Variants in MYO1E observed in about 807,000 individuals in gnomAD.
MYO1E encodes the protein myosin IE, also known as unconventional myosin-Ie.
In MYO1E, 68 loss-of-function variants were observed where a neutral mutation model predicts 151.1. That is an observed-to-expected ratio of 0.45 (90% CI 0.37 to 0.55). MYO1E has a LOEUF of 0.55. MYO1E is among the 20% of genes least tolerant of loss of function. The pLI, the probability that MYO1E is intolerant of heterozygous loss-of-function variation, is 0.00. For missense variants in MYO1E, 1,363 were observed against 1,389.3 expected, an observed-to-expected ratio of 0.98 and a Z score of 0.30; for synonymous variants, 601 against 501.7, an observed-to-expected ratio of 1.20 and a Z score of -2.64.
chr15:59,161,311 CT>C (rs1197633697), intron 23 of MYO1E, 81 bp from the exon 24 acceptor site: 2 of 1,484,848 alleles, frequency 1.3e-6, no homozygotes, highest in Admixed American at 3.8e-5. Context: ...CGGAGTTCTG[CT>C]GCTGGAAAAG....
chr15:59,148,725 C>T (rs1344854571), intron 26 of MYO1E, among the ~76,000 whole-genome samples: 1 of 152,186 alleles, frequency 6.6e-6, no homozygotes, highest in Non-Finnish European at 1.5e-5. Context: ...AAGAGACACA[C>T]AGGCAGCATT....
At chr15:59,198,034 GA>G (rs1194332592) in intron 16 of MYO1E, among the ~76,000 whole-genome samples, 1 of 151,552 alleles carries the variant, frequency 6.6e-6, no homozygotes, top group Non-Finnish European at 1.5e-5. Context: ...GCTAATTTTT[GA>G]AAAAAAATTT....
chr15:59,201,094 A>C (rs2079798642), intron 16 of MYO1E, among the ~76,000 whole-genome samples: 1 of 150,300 alleles, frequency 6.7e-6, no homozygotes, highest in Admixed American at 6.8e-5. Context: ...TGTGTGTGAC[A>C]CAATGACAAA....
chr15:59,179,388 T>C (rs1296844705), intron 18 of MYO1E, among the ~76,000 whole-genome samples: 1 of 152,226 alleles, frequency 6.6e-6, no homozygotes, highest in Non-Finnish European at 1.5e-5. Flanking sequence ...CAGATGAAGG[T>C]GAGAGCTCCA....
chr15:59,361,051 C>G (rs534492272), intron 1 of MYO1E, among the ~76,000 whole-genome samples: 1 of 152,282 alleles, frequency 6.6e-6, no homozygotes, highest in East Asian at 1.9e-4. Context: ...CTTGGGAACC[C>G]TGTGGTGTGA....
intron 1 of MYO1E, among the ~76,000 whole-genome samples, chr15:59,316,743 T>C (rs566150829): frequency 5.9e-5 from 9 of 152,358 alleles, no homozygotes; most frequent in African/African-American, 2.2e-4. Context: ...AGAGGATTTA[T>C]GTGAGGTCTA....
chr15:59,323,605 G>C (rs957831460), intron 1 of MYO1E, among the ~76,000 whole-genome samples: 1 of 151,702 alleles, frequency 6.6e-6, no homozygotes, highest in Non-Finnish European at 1.5e-5. Flanking sequence ...ACAAGAAGCC[G>C]AGATCGCACC....
At chr15:59,151,837 G>A (rs1455607399) in intron 26 of MYO1E, among the ~76,000 whole-genome samples, 4 of 151,882 alleles carry the variant, frequency 2.6e-5, no homozygotes, top group Admixed American at 6.6e-5. Context: ...CACGAGGTCA[G>A]GAGATCAAGA....
intron 14 of MYO1E, chr15:59,206,959 G>A: frequency 2.5e-6 from 4 of 1,613,774 alleles, no homozygotes; most frequent in Non-Finnish European, 3.4e-6. Context: ...GACTGTGCCT[G>A]TTGTGCGGGC....
chr15:59,316,721 A>G (rs2080591429), intron 1 of MYO1E, among the ~76,000 whole-genome samples: 2 of 152,186 alleles, frequency 1.3e-5, no homozygotes, highest in Non-Finnish European at 2.9e-5. Flanking sequence ...TGCTTTCCAT[A>G]GCGAACTTCA....
chr15:59,216,666 G>GTGTATGTGTA (rs777094542), intron 10 of MYO1E, among the ~76,000 whole-genome samples: 1 of 30,884 alleles, frequency 3.2e-5, no homozygotes, highest in Non-Finnish European at 7.0e-5. Flanking sequence ...GTGTGTATGT[G>GTGTATGTGTA]TATATATATA....
chr15:59,289,660 G>A (rs571961812), intron 1 of MYO1E, among the ~76,000 whole-genome samples: 100 of 152,332 alleles, frequency 6.6e-4, no homozygotes, highest in Middle Eastern at 3.4e-3. Context: ...ATCTCCAGAA[G>A]ATGAGGGGCA....
intron 1 of MYO1E, among the ~76,000 whole-genome samples, chr15:59,325,795 C>T (rs1190432222): frequency 3.9e-5 from 6 of 152,116 alleles, no homozygotes; most frequent in Non-Finnish European, 7.4e-5. Context: ...ATCTGTAGTG[C>T]TCAATGTCAG....
intron 25 of MYO1E, among the ~76,000 whole-genome samples, 181 bp from the exon 26 acceptor site, chr15:59,153,972 C>T (rs1225313251): frequency 1.3e-5 from 2 of 152,132 alleles, no homozygotes; most frequent in Non-Finnish European, 2.9e-5. Flanking sequence ...GAGCTGATTC[C>T]CTGTTTTCCC....
intron 14 of MYO1E, chr15:59,207,944 A>AAGTATTCCTC: frequency 1.2e-6 from 2 of 1,614,146 alleles, no homozygotes; most frequent in Non-Finnish European, 1.7e-6. Flanking sequence ...ATAGATGAAG[A>AAGTATTCCTC]AGTATTCCTC....
At chr15:59,252,645 G>A (rs2080171671) in intron 4 of MYO1E, among the ~76,000 whole-genome samples, 1 of 152,062 alleles carries the variant, frequency 6.6e-6, no homozygotes, top group South Asian at 2.1e-4. Context: ...AACCCAGGAG[G>A]CGGAGGTTGC....
intron 9 of MYO1E, among the ~76,000 whole-genome samples, chr15:59,220,584 G>C (rs2079948407): frequency 6.6e-6 from 1 of 151,976 alleles, no homozygotes; most frequent in Admixed American, 6.6e-5. Context: ...GCAAGAGAAA[G>C]TCTGCTTTTT....
At chr15:59,204,455 AG>A (rs2079820448) in intron 15 of MYO1E, among the ~76,000 whole-genome samples, 1 of 152,232 alleles carries the variant, frequency 6.6e-6, no homozygotes, top group Admixed American at 6.5e-5. Context: ...AGAGAGCAAA[AG>A]GGCAGCTCTT....
Position 59,243,405 on chromosome 15 carries a change from T to C in MYO1E, c.333-6733A>G, listed in dbSNP as rs952605757. On this transcript the variant is annotated intron_variant, in intron 4 of 27. Transcript: ENST00000288235. ...CAGAGACTGTTATAAGTGCTTTACA[T>C]GTGTCAATCACTTGGTCCACATAAG... 5.3e-5 allele frequency among the ~76,000 whole-genome samples: 8 copies of C among 152,334 alleles called. No homozygotes were observed. In the East Asian group the frequency reaches 1.5e-3, roughly 29 times the overall value.
Sources: allele counts gnomAD v4.1 joint callset (sites outside exome capture counted in the v4.1 genomes callset), GRCh38; gene constraint gnomAD v4.1.1; transcripts MANE v1.5; gene names NCBI Gene and HGNC (gene_info 2026-07-23, HGNC 2026-07-21).